TM9SF3: variants seen among roughly 807,000 people sequenced by gnomAD.
TM9SF3 encodes the protein SM-11044-binding protein.
A neutral mutation model predicts 78.6 loss-of-function variants in TM9SF3; 14 were observed. The observed-to-expected ratio is 0.18, with a 90% CI of 0.12 to 0.28. The LOEUF is 0.28. Among genes scored for constraint, TM9SF3 ranks in the 10% least tolerant of loss-of-function variants. The probability of loss-of-function intolerance (pLI) is 1.00; values close to 1 mark genes in which losing one functional copy is unlikely to be tolerated. For missense variants in TM9SF3, 496 were observed against 721.9 expected (o/e 0.69, Z 3.59); for synonymous variants, 231 against 241.7 (o/e 0.96, Z 0.41).
chr10:96,524,602 A>C (rs1407598241), intron 14 of TM9SF3, among the ~76,000 whole-genome samples: 1 of 151,994 alleles, frequency 6.6e-6, no homozygotes, highest in Non-Finnish European at 1.5e-5. Context: ...TAAAAAGAGA[A>C]TACTGAATAT....
intron 9 of TM9SF3, among the ~76,000 whole-genome samples, chr10:96,542,724 C>T (rs1302465443): frequency 2.0e-5 from 3 of 151,740 alleles, no homozygotes; most frequent in Non-Finnish European, 4.4e-5. Context: ...CAAATTATTT[C>T]CCTGTCTGGT....
At chr10:96,565,741 CA>C (rs962091593) in intron 2 of TM9SF3, among the ~76,000 whole-genome samples, 2 of 151,730 alleles carry the variant, frequency 1.3e-5, no homozygotes, top group East Asian at 3.9e-4. Flanking sequence ...ATTTTAAAAA[CA>C]AAAAAAGCTT....
intron 1 of TM9SF3, among the ~76,000 whole-genome samples, chr10:96,580,515 C>A (rs1321416073): frequency 6.6e-6 from 1 of 152,162 alleles, no homozygotes; most frequent in Non-Finnish European, 1.5e-5. Flanking sequence ...ATCCACCCGC[C>A]TCGGCCTCCC....
chr10:96,561,127 T>C, intron 4 of TM9SF3, among the ~76,000 whole-genome samples: 1 of 152,186 alleles, frequency 6.6e-6, no homozygotes, highest in Non-Finnish European at 1.5e-5. Context: ...CAGTTTCTTC[T>C]GATTGCTGTG....
chr10:96,551,098 TTGTC>T (rs1429762508), intron 7 of TM9SF3, 143 bp downstream of exon 7: 2 of 709,300 alleles, frequency 2.8e-6, no homozygotes, highest in South Asian at 2.2e-5. Flanking sequence ...ATTATTTAAT[TTGTC>T]TGTCTGCATT....
Position 96,559,748 on chromosome 10 carries a change from T to A in TM9SF3, c.583-12A>T. 1 of 1,524,678 alleles carries A rather than the reference T, an allele frequency of 6.6e-7. No homozygotes were observed. The highest frequency in any genetic ancestry group is 8.9e-7 in the Non-Finnish European group (1 of 1,126,628). The allele number at this position is 1,524,678 out of a possible 1,614,324, so 94.4% of individuals were successfully genotyped here. A position where few individuals can be genotyped will look rare whatever the true frequency, so the allele number is the denominator to read the frequency against. ...TTTTTCCATTTTACCTAAAAAAAAT[T>A]TTTTCATTTGAAAATAAAGGCCAGT... On this transcript the variant is annotated splice_polypyrimidine_tract_variant and intron_variant, in intron 4 of 14. Coordinates refer to ENST00000371142, the MANE Select transcript of TM9SF3 (RefSeq NM_020123.4).
chr10:96,568,013 C>T (rs369065184), intron 2 of TM9SF3, among the ~76,000 whole-genome samples: 2 of 152,186 alleles, frequency 1.3e-5, no homozygotes, highest in East Asian at 1.9e-4. Context: ...TGAAGAATAA[C>T]TTTAACTCAT....
intron 8 of TM9SF3, among the ~76,000 whole-genome samples, chr10:96,546,696 A>G (rs762121506): frequency 6.6e-6 from 1 of 152,162 alleles, no homozygotes; most frequent in Non-Finnish European, 1.5e-5. Flanking sequence ...ATAATTATCT[A>G]TACTGAAGGT....
In TM9SF3 at chr10:96,519,158, T is replaced by C. The variant is rs921946887; in HGVS notation, c.*3105A>G. ...TTTAATAACATTTCTTTGCAAGACATTTGGTATAAGGTGGTTAATAAATAT... is the reference window on the plus strand; with the variant it reads ...TTTAATAACATTTCTTTGCAAGACACTTGGTATAAGGTGGTTAATAAATAT... On this transcript the variant is annotated 3_prime_UTR_variant, in exon 15 of 15. Coordinates refer to ENST00000371142, the MANE Select transcript of TM9SF3 (RefSeq NM_020123.4). The C allele has an allele frequency of 6.6e-6, 1 of 152,046 alleles. No homozygotes were observed. Among genetic ancestry groups the C allele is most frequent in the African/African-American group, 2.4e-5 (1 of 41,452 alleles). 9.4% of individuals were successfully genotyped at this position (152,046 alleles called of 1,614,324 possible).
chr10:96,541,032 G>T (rs1564930870), intron 9 of TM9SF3, among the ~76,000 whole-genome samples: 1 of 151,784 alleles, frequency 6.6e-6, no homozygotes, highest in Admixed American at 6.6e-5. Flanking sequence ...CCGAAGTGCT[G>T]GGATTACAGG....
chr10:96,568,090 G>A (rs1044743726), intron 2 of TM9SF3, among the ~76,000 whole-genome samples: 1 of 152,204 alleles, frequency 6.6e-6, no homozygotes, highest in East Asian at 1.9e-4. Context: ...TATAAAAAGG[G>A]TGTTGGTTGG....
chr10:96,544,053 AAAGT>A lies in TM9SF3; in HGVS notation c.1185+19_1185+22del, dbSNP rs146601391. 7.2e-3 allele frequency: 11,556 copies of A among 1,594,764 alleles called. 59 individuals carry two copies. The highest frequency in any genetic ancestry group is 8.8e-3 in the Non-Finnish European group (10,306 of 1,173,718). ...AGAATGTGTATACTTTTTCAGTTTA[AAAGT>A]AAGATTCAAGCAACTCACCATTGTT... On this transcript the variant is annotated intron_variant, in intron 9 of 14. Transcript: ENST00000371142.
In TM9SF3 at chr10:96,562,994, A is replaced by G. The variant is rs193200137; in HGVS notation, c.422-856T>C. 1.1e-3 allele frequency among the ~76,000 whole-genome samples: 169 copies of G among 152,356 alleles called. 1 individual carries two copies. The highest frequency in any genetic ancestry group is 2.5e-3 in the Admixed American group (38 of 15,302). On this transcript the variant is annotated intron_variant, in intron 3 of 14. Coordinates refer to ENST00000371142, the MANE Select transcript of TM9SF3 (RefSeq NM_020123.4). ...ATTTATAAAATATTATTTATTAACC[A>G]AAGTGATTCTAATTGGTACAAATTC...
At chr10:96,562,224 T>G (rs1378454719) in intron 3 of TM9SF3, 86 bp from the exon 4 acceptor site, 23 of 1,135,936 alleles carry the variant, frequency 2.0e-5, no homozygotes, top group South Asian at 7.3e-5. Context: ...AAGTTTTTTT[T>G]TTTTTTTTTT....
At chr10:96,559,566 C>T in intron 5 of TM9SF3, 93 bp downstream of exon 5, 1 of 867,908 alleles carries the variant, frequency 1.2e-6, no homozygotes, top group South Asian at 2.2e-5. Flanking sequence ...ATCCACAGTC[C>T]TCAACACAGT....
chr10:96,568,852 C>G (rs997228414), intron 2 of TM9SF3, among the ~76,000 whole-genome samples: 3 of 152,140 alleles, frequency 2.0e-5, no homozygotes, highest in South Asian at 4.1e-4. Context: ...GTTCCCTTAA[C>G]AGAGACAGCA....
At chr10:96,585,274 C>A (rs1848616320) in intron 1 of TM9SF3, among the ~76,000 whole-genome samples, 1 of 152,022 alleles carries the variant, frequency 6.6e-6, no homozygotes. Context: ...GTAATAATAT[C>A]ATTAAACAGA....
chr10:96,520,304 A>G lies in TM9SF3; in HGVS notation c.*1959T>C, dbSNP rs1222972796. 1 of 151,922 alleles carries G rather than the reference A, an allele frequency of 6.6e-6. No homozygotes were observed. 9.4% of individuals were successfully genotyped at this position (151,922 alleles called of 1,614,324 possible). A position where few individuals can be genotyped will look rare whatever the true frequency, so the allele number is the denominator to read the frequency against. On this transcript the variant is annotated 3_prime_UTR_variant, in exon 15 of 15. Coordinates refer to ENST00000371142, the MANE Select transcript of TM9SF3 (RefSeq NM_020123.4). ...GAAGTACCAATAAATTATATTTAAT[A>G]TACCATTTTGGCTTCAGAAGAGGAT... is the stretch of plus-strand genomic sequence containing the variant.
At position 96,519,445 on chromosome 10, in the gene TM9SF3, C is replaced by T. The variant is rs1251619696; in HGVS notation, c.*2818G>A. 6.6e-6 allele frequency: 1 copy of T among 151,936 alleles called. No individual in the cohort carries two copies. Among genetic ancestry groups the T allele is most frequent in the African/African-American group, 2.4e-5 (1 of 41,416 alleles). 9.4% of individuals were successfully genotyped at this position (151,936 alleles called of 1,614,324 possible). On this transcript the variant is annotated 3_prime_UTR_variant, in exon 15 of 15. Transcript: ENST00000371142. ...GATGAAAAATACTAAAAGAATGCTT[C>T]ACCATCCCTCAGGCCATTACATTTC...
Sources: allele counts gnomAD v4.1 joint callset (sites outside exome capture counted in the v4.1 genomes callset), GRCh38; gene constraint gnomAD v4.1.1; transcripts MANE v1.5; gene names NCBI Gene and HGNC (gene_info 2026-07-23, HGNC 2026-07-21).